The following FLNB variants were observed in gnomAD, a reference collection of about 807,000 sequenced individuals.
FLNB encodes the protein filamin B.
In FLNB, 111 loss-of-function variants were observed where a neutral mutation model predicts 250.6. The observed-to-expected ratio is 0.44, with a 90% CI of 0.38 to 0.52. The LOEUF is 0.52. FLNB is among the 20% of genes least tolerant of loss of function. The pLI, the probability that FLNB is intolerant of heterozygous loss-of-function variation, is 0.00. For synonymous variants in FLNB, 1,302 were observed against 1,372.1 expected (o/e 0.95, Z 1.13); for missense variants, 2,869 against 3,447.8 (o/e 0.83, Z 4.20).
chr3:58,102,429 C>T (rs1046019538), intron 9 of FLNB, 89 bp downstream of exon 9: 28 of 1,387,450 alleles, frequency 2.0e-5, no homozygotes, highest in Non-Finnish European at 2.7e-5. Flanking sequence ...GGCCAGTTGT[C>T]CTCAATAATC....
At chr3:58,148,979 C>A in intron 36 of FLNB, 127 bp downstream of exon 36, 2 of 846,918 alleles carry the variant, frequency 2.4e-6, no homozygotes, top group Non-Finnish European at 3.9e-6. Context: ...ATAGGTCCTT[C>A]TGCCTGCATT....
rs550035279 is a variant in FLNB at position 58,162,827 on chromosome 3, C to T, written c.7022-327C>T. ...AATTTTGGTGAAATGAGATTCATCTCGTGACAGGATTAGTAACAGCATTCA... is the reference window on the plus strand; with the variant it reads ...AATTTTGGTGAAATGAGATTCATCTTGTGACAGGATTAGTAACAGCATTCA... On this transcript the variant is annotated intron_variant, in intron 42 of 45. Transcript: ENST00000295956. 3.3e-5 allele frequency: 11 copies of T among 332,592 alleles called. No individual in the cohort carries two copies. In the East Asian group the frequency reaches 3.5e-4, roughly 11 times the overall value. 20.6% of individuals were successfully genotyped at this position (332,592 alleles called of 1,614,324 possible).
chr3:58,165,103 G>A (rs2107325164), intron 43 of FLNB: 1 of 152,444 alleles, frequency 6.6e-6, no homozygotes, highest in South Asian at 2.1e-4. Context: ...CCCAGGTGGG[G>A]TCCTCTCGGC....
intron 1 of FLNB, among the ~76,000 whole-genome samples, chr3:58,050,038 T>C (rs1479825579): frequency 1.6e-5 from 2 of 124,002 alleles, no homozygotes; most frequent in African/African-American, 3.0e-5. Context: ...TTTTTTTTTT[T>C]CTTTTTTTTT....
At chr3:58,045,518 T>C (rs1056232771) in intron 1 of FLNB, among the ~76,000 whole-genome samples, 2 of 152,252 alleles carry the variant, frequency 1.3e-5, no homozygotes, top group African/African-American at 2.4e-5. Context: ...GTGTATCTTA[T>C]GTGGCCAAGA....
rs116496081 is a variant in FLNB, at chr3:58,126,302, C to T, written c.4062-300C>T. ...GGCTGAGGCATGTGAATTGCTTGAACCCAAGAGACATAGGTTGCAGTGAGC... is the reference window on the plus strand; with the variant it reads ...GGCTGAGGCATGTGAATTGCTTGAATCCAAGAGACATAGGTTGCAGTGAGC... On this transcript the variant is annotated intron_variant, in intron 23 of 45. Coordinates refer to ENST00000295956, the MANE Select transcript of FLNB (RefSeq NM_001457.4). Among the ~76,000 whole-genome samples, 2,179 of 152,232 alleles carry T rather than the reference C, an allele frequency of 0.014. 34 individuals carry two copies. The highest frequency in any genetic ancestry group is 0.02 in the Admixed American group (303 of 15,280).
intron 20 of FLNB, among the ~76,000 whole-genome samples, chr3:58,121,756 T>C (rs1312724077): frequency 6.6e-6 from 1 of 152,060 alleles, no homozygotes; most frequent in African/African-American, 2.4e-5. Flanking sequence ...ATAATCACAG[T>C]CCTCACTACA....
intron 1 of FLNB, among the ~76,000 whole-genome samples, chr3:58,014,940 G>A (rs2097103872): frequency 6.6e-6 from 1 of 152,092 alleles, no homozygotes; most frequent in African/African-American, 2.4e-5. Flanking sequence ...TGTTGGTCAG[G>A]CTGGTCTCGA....
chr3:58,048,560 G>C (rs774221041), intron 1 of FLNB, among the ~76,000 whole-genome samples: 2 of 152,190 alleles, frequency 1.3e-5, no homozygotes, highest in Non-Finnish European at 2.9e-5. Flanking sequence ...AGTTTGTCCT[G>C]TTACTTCGTG....
intron 5 of FLNB, 106 bp from the exon 6 acceptor site, chr3:58,096,035 C>T (rs550342018): frequency 2.3e-4 from 196 of 841,700 alleles, no homozygotes; most frequent in Non-Finnish European, 3.8e-5. Context: ...TCGCCAGCAC[C>T]TTCAGTGTTT....
At chr3:58,031,224 T>C (rs1459891495) in intron 1 of FLNB, among the ~76,000 whole-genome samples, 2 of 152,132 alleles carry the variant, frequency 1.3e-5, no homozygotes, top group African/African-American at 4.8e-5. Context: ...ATTTTTCTTA[T>C]AAAAAGTGTG....
chr3:58,025,746 C>T lies in FLNB; in HGVS notation c.292+16890C>T, dbSNP rs567134678. On this transcript the variant is annotated intron_variant, in intron 1 of 45. Transcript: ENST00000295956. The stretch of plus-strand genomic sequence containing the variant: ...TTTGAGACCAGCCTGGCCAACATGG[C>T]GAAACCCTGTCTCTACTAAAAATAC... Among the ~76,000 whole-genome samples, 12 of 152,224 alleles carry T rather than the reference C, an allele frequency of 7.9e-5. No homozygotes were observed. In the South Asian group the frequency reaches 1.5e-3, roughly 18 times the overall value.
intron 24 of FLNB, among the ~76,000 whole-genome samples, chr3:58,127,712 G>C (rs763191762): frequency 8.5e-5 from 13 of 152,182 alleles, no homozygotes; most frequent in Non-Finnish European, 1.6e-4. Flanking sequence ...ACTTCAGCCT[G>C]AACCACTGCT....
intron 1 of FLNB, among the ~76,000 whole-genome samples, chr3:58,036,211 A>G (rs975320613): frequency 2.6e-5 from 4 of 152,018 alleles, no homozygotes; most frequent in African/African-American, 7.2e-5. Context: ...TTTTGTAACC[A>G]CCTAACGAGT....
At chr3:58,074,953 GATTA>G (rs1018730959) in intron 1 of FLNB, among the ~76,000 whole-genome samples, 1 of 151,986 alleles carries the variant, frequency 6.6e-6, no homozygotes, top group Non-Finnish European at 1.5e-5. Flanking sequence ...AATTAATTCT[GATTA>G]ATTAATTTAA....
Position 58,168,420 on chromosome 3 carries a change from T to G in FLNB, c.7199-20T>G, listed in dbSNP as rs1328331392. 1 of 1,597,100 alleles carries G rather than the reference T, an allele frequency of 6.3e-7. No individual in the cohort carries two copies. Among genetic ancestry groups the G allele is most frequent in the Non-Finnish European group, 8.6e-7 (1 of 1,164,770 alleles). ...GCCCTCCAAGTCATCAACACAGCAT[T>G]TTCTATTCCTTTCTCCCAGGTATCC... On this transcript the variant is annotated intron_variant, in intron 43 of 45. Transcript: ENST00000295956.
chr3:58,100,373 A>ATATATATATATAT (rs1553696152), intron 8 of FLNB, among the ~76,000 whole-genome samples: 5 of 104,340 alleles, frequency 4.8e-5, no homozygotes, highest in African/African-American at 9.1e-5. Context: ...GTAAAAAAAA[A>ATATATATATATAT]ATATATATAT....
chr3:58,060,344 CTG>C (rs1359644321), intron 1 of FLNB, among the ~76,000 whole-genome samples: 1 of 145,430 alleles, frequency 6.9e-6, no homozygotes, highest in East Asian at 2.1e-4. Context: ...TGGTGAGACC[CTG>C]TCTCTCTTTT....
intron 1 of FLNB, among the ~76,000 whole-genome samples, chr3:58,072,453 T>C (rs2097196004): frequency 6.6e-6 from 1 of 152,202 alleles, no homozygotes. Flanking sequence ...ACCCTCGGCG[T>C]AAACATTGCA....
Sources: allele counts gnomAD v4.1 joint callset (sites outside exome capture counted in the v4.1 genomes callset), GRCh38; gene constraint gnomAD v4.1.1; transcripts MANE v1.5; gene names NCBI Gene and HGNC (gene_info 2026-07-23, HGNC 2026-07-21).